The following SYT16 variants were observed in gnomAD, a reference collection of about 807,000 sequenced individuals.
SYT16 encodes the protein synaptotagmin-16.
Under a neutral mutation model 61.4 loss-of-function variants are expected in SYT16, and 42 were observed. The ratio of observed to expected loss-of-function variants is 0.68; its 90% CI spans 0.53 to 0.89. The LOEUF (loss-of-function observed/expected upper bound fraction) is 0.89, where lower values mean the gene tolerates loss of function less well. Among genes scored for constraint, SYT16 ranks in the 40% least tolerant of loss-of-function variants. The pLI, the probability that SYT16 is intolerant of heterozygous loss-of-function variation, is 0.00. For synonymous variants in SYT16, 314 were observed against 302.3 expected (o/e 1.04, Z -0.40); for missense variants, 804 against 807.3 (o/e 1.00, Z 0.05).
At chr14:61,880,776 T>C (rs376275229) in intron 1 of SYT16, among the ~76,000 whole-genome samples, 1 of 152,196 alleles carries the variant, frequency 6.6e-6, no homozygotes, top group Non-Finnish European at 1.5e-5. Context: ...TGTTGACTTG[T>C]GTATTATTCT....
chr14:61,870,863 C>G (rs1175112875), intron 1 of SYT16, among the ~76,000 whole-genome samples: 1 of 152,144 alleles, frequency 6.6e-6, no homozygotes, highest in Non-Finnish European at 1.5e-5. Flanking sequence ...GCCGTTTTAA[C>G]TACCTTGCCT....
intron 1 of SYT16, among the ~76,000 whole-genome samples, chr14:61,950,114 G>A (rs1026022971): frequency 6.6e-6 from 1 of 152,176 alleles, no homozygotes; most frequent in African/African-American, 2.4e-5. Context: ...AAGGTCAAAT[G>A]TAATTAGCCC....
intron 1 of SYT16, among the ~76,000 whole-genome samples, chr14:61,921,063 CT>C (rs1260807484): frequency 2.0e-5 from 3 of 152,210 alleles, no homozygotes; most frequent in African/African-American, 7.2e-5. Context: ...TCACTTCCAG[CT>C]TGGTAGTTTA....
chr14:61,903,889 T>C (rs578260694), intron 1 of SYT16, among the ~76,000 whole-genome samples: 20 of 152,340 alleles, frequency 1.3e-4, no homozygotes, highest in African/African-American at 4.6e-4. Flanking sequence ...GAAGGTGTTG[T>C]AATTGGTTTT....
chr14:62,056,906 A>G (rs1208842465), intron 3 of SYT16, among the ~76,000 whole-genome samples: 1 of 152,206 alleles, frequency 6.6e-6, no homozygotes, highest in Non-Finnish European at 1.5e-5. Flanking sequence ...CCCAAGGGTC[A>G]GCGGCAGCAG....
chr14:61,844,504 G>A (rs984604338), intron 1 of SYT16, among the ~76,000 whole-genome samples: 1 of 152,022 alleles, frequency 6.6e-6, no homozygotes. Flanking sequence ...TCATTTAGTA[G>A]GATACTAGCT....
chr14:61,989,396 C>T (rs2052453869), intron 2 of SYT16, among the ~76,000 whole-genome samples: 1 of 152,074 alleles, frequency 6.6e-6, no homozygotes, highest in Admixed American at 6.6e-5. Flanking sequence ...AACCCCGTTT[C>T]TACTAAAAGT....
chr14:61,961,221 T>C (rs1352156061), intron 1 of SYT16, among the ~76,000 whole-genome samples: 1 of 152,186 alleles, frequency 6.6e-6, no homozygotes, highest in Non-Finnish European at 1.5e-5. Flanking sequence ...AAAGATTTTA[T>C]GACAAAGATG....
intron 1 of SYT16, among the ~76,000 whole-genome samples, chr14:61,931,513 G>A (rs1030286245): frequency 2.0e-5 from 3 of 152,186 alleles, no homozygotes; most frequent in Non-Finnish European, 4.4e-5. Flanking sequence ...TTATTCATAT[G>A]CCTACATCTG....
rs1489356691 is a variant in SYT16, at chr14:62,104,956, G to A, written c.*4249G>A. 2 of 152,190 alleles carry A rather than the reference G, an allele frequency of 1.3e-5. No individual in the cohort carries two copies. Among genetic ancestry groups the A allele is most frequent in the Non-Finnish European group, 2.9e-5 (2 of 68,036 alleles). 9.4% of individuals were successfully genotyped at this position (152,190 alleles called of 1,614,324 possible). A position where few individuals can be genotyped will look rare whatever the true frequency, so the allele number is the denominator to read the frequency against. ...GCCTGAAAAAGAAAATATTTAAGATGTGTCTTCTTTTTCTAGCAAATGTTA... is the reference window on the plus strand; with the variant it reads ...GCCTGAAAAAGAAAATATTTAAGATATGTCTTCTTTTTCTAGCAAATGTTA... On this transcript the variant is annotated 3_prime_UTR_variant, in exon 8 of 8. Transcript: ENST00000683842.
chr14:61,878,266 C>A (rs117184227), intron 1 of SYT16, among the ~76,000 whole-genome samples: 3,274 of 152,286 alleles, frequency 0.021, 63 homozygotes, highest in Admixed American at 0.038. Context: ...TTAAACATTT[C>A]TCCTAGAAAA....
intron 1 of SYT16, among the ~76,000 whole-genome samples, chr14:61,916,244 G>C (rs937978786): frequency 6.6e-6 from 1 of 152,022 alleles, no homozygotes; most frequent in Non-Finnish European, 1.5e-5. Flanking sequence ...TCTTTGTTCA[G>C]GAAATATCCA....
At chr14:62,036,535 G>T (rs1595219190) in intron 3 of SYT16, among the ~76,000 whole-genome samples, 1 of 152,086 alleles carries the variant, frequency 6.6e-6, no homozygotes, top group South Asian at 2.1e-4. Flanking sequence ...GGCTAATAAA[G>T]ACATACCCAA....
intron 1 of SYT16, among the ~76,000 whole-genome samples, chr14:61,942,849 A>G (rs1292225000): frequency 2.0e-5 from 3 of 152,190 alleles, no homozygotes; most frequent in Non-Finnish European, 2.9e-5. Context: ...AATATAAATC[A>G]GTTGAAAAAC....
At chr14:62,064,540 A>C (rs1483805996) in intron 3 of SYT16, among the ~76,000 whole-genome samples, 1 of 152,126 alleles carries the variant, frequency 6.6e-6, no homozygotes, top group Admixed American at 6.5e-5. Context: ...AGCCCAATAT[A>C]TGTGATTTTA....
rs532030856 is a variant in SYT16, at chr14:62,026,514, C to T, written c.523+29972C>T. Among the ~76,000 whole-genome samples the T allele has an allele frequency of 1.2e-4, 18 of 152,226 alleles. No individual in the cohort carries two copies. The East Asian group carries it at 3.1e-3, about 26-fold the overall frequency. ...AAGCCTCTTTTGTAAGTGTCTTAGT[C>T]CTATTCAGGAAGGAGGAGCCCTCAT... On this transcript the variant is annotated intron_variant, in intron 3 of 7. Coordinates refer to ENST00000683842, the MANE Select transcript of SYT16 (RefSeq NM_001367656.1).
In SYT16 at chr14:62,079,865, C is replaced by T. The variant is rs139756788; in HGVS notation, c.994-969C>T. On this transcript the variant is annotated intron_variant, in intron 5 of 7. Transcript: ENST00000683842. Reference sequence around the variant, plus strand: ...TGAGTGGCTGCATGTAAATTGCTACCCAAGGGTGACATTCCATAAAGAGGG... The same window carrying T: ...TGAGTGGCTGCATGTAAATTGCTACTCAAGGGTGACATTCCATAAAGAGGG... 1.7e-3 allele frequency among the ~76,000 whole-genome samples: 252 copies of T among 152,110 alleles called. 6 individuals carry two copies. The South Asian group carries it at 0.019, about 12-fold the overall frequency.
intron 1 of SYT16, among the ~76,000 whole-genome samples, chr14:61,931,839 G>A (rs1165972398): frequency 6.6e-6 from 1 of 152,150 alleles, no homozygotes; most frequent in Non-Finnish European, 1.5e-5. Context: ...CCACGTTGGT[G>A]TGCTGCACCC....
intron 3 of SYT16, among the ~76,000 whole-genome samples, chr14:62,012,855 T>C (rs2053523748): frequency 6.6e-6 from 1 of 152,192 alleles, no homozygotes; most frequent in African/African-American, 2.4e-5. Context: ...TGAATTGATT[T>C]TGAAATTATA....
Sources: allele counts gnomAD v4.1 joint callset (sites outside exome capture counted in the v4.1 genomes callset), GRCh38; gene constraint gnomAD v4.1.1; transcripts MANE v1.5; gene names NCBI Gene and HGNC (gene_info 2026-07-23, HGNC 2026-07-21).